Variants in COG1 observed in about 807,000 individuals in gnomAD.
COG1 encodes component of oligomeric golgi complex 1.
A neutral mutation model predicts 102.2 loss-of-function variants in COG1; 61 were observed. The ratio of observed to expected loss-of-function variants is 0.60; its 90% CI spans 0.49 to 0.74. The LOEUF is 0.74. Ranked by LOEUF, COG1 falls within the 30% of genes least tolerant of loss-of-function variation. The probability of loss-of-function intolerance (pLI) is 0.00; values close to 1 mark genes in which losing one functional copy is unlikely to be tolerated. For missense variants in COG1, 1,164 were observed against 1,232.1 expected (o/e 0.94, Z 0.83); for synonymous variants, 454 against 493.6 (o/e 0.92, Z 1.06).
intron 9 of COG1, 29 bp from the exon 10 acceptor site, chr17:73,205,524 A>AT: frequency 6.2e-7 from 1 of 1,613,880 alleles, no homozygotes; most frequent in South Asian, 1.1e-5. Flanking sequence ...CTCTCTCTTC[A>AT]TGGGTGGGGA....
rs776685074 is a variant in COG1, at chr17:73,197,383, C to T, written c.900C>T (p.Gly300=). The T allele has an allele frequency of 1.9e-6, 3 of 1,614,038 alleles. No homozygotes were observed. The highest frequency in any genetic ancestry group is 2.5e-6 in the Non-Finnish European group (3 of 1,180,054). The change falls in exon 4 of 14, where the codon GGC becomes GGT. Residue 300 remains glycine (G), a synonymous_variant. Transcript: ENST00000299886. The part of the protein sequence containing the change: ...LLFSTLETIT[G]QHPAGKGTGV... ...TCTCTACTCTGGAGACCATCACAGGCCAGCATCCTGCCGGTGAGCTCTTAG... is the reference window on the plus strand; with the variant it reads ...TCTCTACTCTGGAGACCATCACAGGTCAGCATCCTGCCGGTGAGCTCTTAG...
At chr17:73,207,025 G>A (rs935277177) in intron 12 of COG1, 156 bp from the exon 13 acceptor site, 27 of 732,480 alleles carry the variant, frequency 3.7e-5, no homozygotes, top group Admixed American at 1.2e-4. Context: ...CCCAGGAGGC[G>A]GAGCTTGCAG....
At position 73,203,090 on chromosome 17, in the gene COG1, CAGG is replaced by C. The variant is rs749750235; in HGVS notation, c.2171_2173del (p.Glu724del). The C allele has an allele frequency of 2.0e-5, 33 of 1,614,076 alleles. No homozygotes were observed. The highest frequency in any genetic ancestry group is 2.5e-5 in the Non-Finnish European group (29 of 1,180,050). ...CACCAGCTGGGATGAGCTAGAAATT[CAGG>C]AGGAGGCAGAGTCTGGCAGCAGTGT... On this transcript the variant is annotated inframe_deletion, in exon 8 of 14. Coordinates refer to ENST00000299886, the MANE Select transcript of COG1 (RefSeq NM_018714.3).
In COG1 at chr17:73,201,246, C is replaced by G; in HGVS notation, c.1419C>G (p.Leu473=). The G allele has an allele frequency of 6.2e-7, 1 of 1,614,238 alleles. No homozygotes were observed. The highest frequency in any genetic ancestry group is 8.5e-7 in the Non-Finnish European group (1 of 1,180,044). Residue 473 remains leucine (L), a synonymous_variant, in exon 7 of 14, where the codon CTC becomes CTG. Transcript: ENST00000299886. ...KHIHFEYNMS[L]FLWSESPNDL... is the part of the protein sequence containing the mutation. ...TCCACTTTGAGTACAACATGTCGCT[C>G]TTCCTCTGGTCTGAGAGTCCTAATG...
In COG1 at chr17:73,208,497, T is replaced by G; in HGVS notation, c.*46T>G. On this transcript the variant is annotated 3_prime_UTR_variant, in exon 14 of 14. Transcript: ENST00000299886. ...TCCCTAAATAAATACTACCACATTA[T>G]TTCTTCTAAAGGTGCCTCTGCTCAT... is the stretch of plus-strand genomic sequence containing the variant. The G allele has an allele frequency of 6.2e-7, 1 of 1,602,816 alleles. No homozygotes were observed. The highest frequency in any genetic ancestry group is 1.3e-5 in the African/African-American group (1 of 74,862).
Position 73,200,757 on chromosome 17 carries a change from T to C in COG1, c.1262T>C (p.Leu421Pro), listed in dbSNP as rs1214578371. The change falls in exon 6 of 14, where the codon CTG (leucine) becomes CCG (proline). Residue 421 changes from leucine to proline, a missense_variant. Transcript: ENST00000299886. ...LLFWEDMMQQ[L>P]FLDRLQTLTK... ...TTCTGGGAAGATATGATGCAGCAAC[T>C]GTTCCTTGACCGATTACAGGTGAGC... 1 of 1,607,374 alleles carries C rather than the reference T, an allele frequency of 6.2e-7. No individual in the cohort carries two copies. Among genetic ancestry groups the C allele is most frequent in the African/African-American group, 1.3e-5 (1 of 74,588 alleles).
Position 73,193,094 on chromosome 17 carries a change from G to T in COG1, c.25G>T (p.Ala9Ser), listed in dbSNP as rs867679947. Residue 9 changes from alanine to serine, a missense_variant, in exon 1 of 14, where the codon GCG (alanine) becomes TCG (serine). Transcript: ENST00000299886. ...CATGGCCACCGCGGCAACCTCACCC[G>T]CGCTGAAGCGGCTGGATCTGCGCGA... The part of the protein sequence containing the change: MATAATSP[A>S]LKRLDLRDPA... 5 of 1,562,360 alleles carry T rather than the reference G, an allele frequency of 3.2e-6. No homozygotes were observed. The highest frequency in any genetic ancestry group is 3.5e-6 in the Non-Finnish European group (4 of 1,147,830).
At chr17:73,197,165 G>A (rs1010035806) in intron 3 of COG1, 61 bp from the exon 4 acceptor site, 63 of 1,612,878 alleles carry the variant, frequency 3.9e-5, no homozygotes, top group Non-Finnish European at 4.4e-5. Context: ...CCTCCAGAGC[G>A]TCCTCTGTCT....
intron 9 of COG1, among the ~76,000 whole-genome samples, chr17:73,204,734 T>C (rs1215260948): frequency 1.3e-5 from 2 of 152,086 alleles, no homozygotes; most frequent in Admixed American, 6.5e-5. Context: ...TTTTTGTTAT[T>C]TTTTGTAGAG....
intron 1 of COG1, among the ~76,000 whole-genome samples, chr17:73,193,792 C>T (rs1380204062): frequency 6.6e-6 from 1 of 152,126 alleles, no homozygotes; most frequent in East Asian, 1.9e-4. Context: ...CACTCCAAGT[C>T]ATTTCTTCCT....
At chr17:73,195,389 G>A (rs1568294483) in intron 1 of COG1, among the ~76,000 whole-genome samples, 1 of 152,084 alleles carries the variant, frequency 6.6e-6, no homozygotes, top group Non-Finnish European at 1.5e-5. Context: ...AAGGCAGGTG[G>A]ATTGCTTGAT....
Position 73,208,400 on chromosome 17 carries a change from G to T in COG1, c.2892G>T (p.Thr964=). ...FRQLVSEEDN[T]SAPSLFKLGW... Reference sequence around the variant, plus strand: ...AGCTTGTCAGTGAAGAAGACAACACGTCTGCACCTTCATTATTCAAACTTG... The same window carrying T: ...AGCTTGTCAGTGAAGAAGACAACACTTCTGCACCTTCATTATTCAAACTTG... The change falls in exon 14 of 14, where the codon ACG becomes ACT. Residue 964 remains threonine (T), a synonymous_variant. Transcript: ENST00000299886. 1 of 1,614,232 alleles carries T rather than the reference G, an allele frequency of 6.2e-7. No homozygotes were observed. Among genetic ancestry groups the T allele is most frequent in the Non-Finnish European group, 8.5e-7 (1 of 1,180,056 alleles).
In COG1 at chr17:73,206,728, T is replaced by G. The variant is rs983100723; in HGVS notation, c.2640T>G (p.Thr880=). ...QRTSVLFGLV[T]GTENQLAPRS... ...GCCAGGTTCTGTTTGGATTGGTGAC[T>G]GGTACAGAGAATCAGCTCGCCCCCC... Residue 880 remains threonine (T), a synonymous_variant, in exon 12 of 14, where the codon ACT becomes ACG. Transcript: ENST00000299886. 1 of 1,612,486 alleles carries G rather than the reference T, an allele frequency of 6.2e-7. No homozygotes were observed. The highest frequency in any genetic ancestry group is 8.5e-7 in the Non-Finnish European group (1 of 1,179,602).
chr17:73,197,412 A>G lies in COG1; in HGVS notation c.913+16A>G, dbSNP rs1282199609. Reference sequence around the variant, plus strand: ...CATCCTGCCGGTGAGCTCTTAGCCAAGCTTTTTAAATTCTGGTTCACTCAA... The same window carrying G: ...CATCCTGCCGGTGAGCTCTTAGCCAGGCTTTTTAAATTCTGGTTCACTCAA... On this transcript the variant is annotated intron_variant, in intron 4 of 13. Transcript: ENST00000299886. The G allele has an allele frequency of 6.2e-7, 1 of 1,613,388 alleles. No homozygotes were observed. The highest frequency in any genetic ancestry group is 1.1e-5 in the South Asian group (1 of 91,078).
rs770088469 is a variant in COG1, at chr17:73,196,744, C to A, written c.553C>A (p.His185Asn). The A allele has an allele frequency of 7.4e-6, 12 of 1,614,042 alleles. No homozygotes were observed. In the African/African-American group the frequency reaches 1.6e-4, roughly 22 times the overall value. ...CATCCGGCAGGTGGCAGCCGCCAGC[C>A]ACTTCCGGTAAGTGGATCCAGCGCA... Reference protein sequence around the residue: ...ILIRQVAAASHFRSTILHESK... With the variant: ...ILIRQVAAASNFRSTILHESK... Residue 185 changes from histidine (H) to asparagine (N), a missense_variant, in exon 2 of 14, where the codon CAC (histidine) becomes AAC (asparagine). His to Asn is a moderately conservative substitution (Grantham distance 68, BLOSUM62 1). Transcript: ENST00000299886.
intron 3 of COG1, 68 bp downstream of exon 3, chr17:73,197,149 C>G: frequency 6.2e-7 from 1 of 1,612,874 alleles, no homozygotes; most frequent in South Asian, 1.1e-5. Context: ...CTGCGGGAGA[C>G]TGAAGCCTCC....
chr17:73,205,685 C>A lies in COG1; in HGVS notation c.2510+5C>A, dbSNP rs747068760. 2 of 1,613,454 alleles carry A rather than the reference C, an allele frequency of 1.2e-6. No individual in the cohort carries two copies. The highest frequency in any genetic ancestry group is 3.3e-5 in the Admixed American group (2 of 60,022). On this transcript the variant is annotated splice_donor_5th_base_variant and intron_variant, in intron 10 of 13. Coordinates refer to ENST00000299886, the MANE Select transcript of COG1 (RefSeq NM_018714.3). ...CCGGAGCAAGCCAGACTCCAGGTGT[C>A]GTATCCTCTAGGGAGCTATGTCAAG...
intron 1 of COG1, 105 bp from the exon 2 acceptor site, chr17:73,196,402 G>T (rs771540992): frequency 6.4e-7 from 1 of 1,554,406 alleles, no homozygotes; most frequent in Non-Finnish European, 8.8e-7. Flanking sequence ...CAGCTTAATA[G>T]AAGTTTTGTA....
Position 73,207,205 on chromosome 17 carries a change from G to A in COG1, c.2754G>A (p.Met918Ile), listed in dbSNP as rs745487417. 1 of 1,613,276 alleles carries A rather than the reference G, an allele frequency of 6.2e-7. No homozygotes were observed. Among genetic ancestry groups the A allele is most frequent in the East Asian group, 2.2e-5 (1 of 44,824 alleles). Residue 918 changes from methionine to isoleucine, a missense_variant, in exon 13 of 14, where the codon ATG (methionine) becomes ATA (isoleucine). By Grantham distance (10) the Met-to-Ile change is conservative. Coordinates refer to ENST00000299886, the MANE Select transcript of COG1 (RefSeq NM_018714.3). ...QIRFGLLPLSMTSTRKAKSTR... is the reference protein window; with the variant it reads ...QIRFGLLPLSITSTRKAKSTR... ...GGTTTGGACTTCTCCCACTGAGCAT[G>A]ACAAGCACTCGAAAGGCTAAATCAA...
Sources: allele counts gnomAD v4.1 joint callset (sites outside exome capture counted in the v4.1 genomes callset), GRCh38; gene constraint gnomAD v4.1.1; transcripts MANE v1.5; gene names NCBI Gene and HGNC (gene_info 2026-07-23, HGNC 2026-07-21).